Variants in CHODL observed in about 807,000 individuals in gnomAD.
The protein encoded by CHODL is transmembrane protein MT75.
In CHODL, 29 loss-of-function variants were observed where a neutral mutation model predicts 34.5. The observed-to-expected ratio is 0.84, with a 90% confidence interval of 0.63 to 1.15. The LOEUF is 1.15. Among genes scored for constraint, CHODL ranks in the 50% most tolerant of loss-of-function variants. The probability of loss-of-function intolerance (pLI) is 0.00; values close to 1 mark genes in which losing one functional copy is unlikely to be tolerated. For missense variants in CHODL, 332 were observed against 332.5 expected (o/e 1.00, Z 0.01); for synonymous variants, 125 against 116.1 (o/e 1.08, Z -0.49).
chr21:18,116,952 C>A (rs560726712), intron 2 of CHODL, among the ~76,000 whole-genome samples: 7 of 152,138 alleles, frequency 4.6e-5, no homozygotes, highest in African/African-American at 1.7e-4. Flanking sequence ...TACTCCATTG[C>A]GCCCACATTT....
At chr21:18,184,272 A>G (rs1360849923) in intron 2 of CHODL, among the ~76,000 whole-genome samples, 3 of 152,196 alleles carry the variant, frequency 2.0e-5, no homozygotes, top group Non-Finnish European at 4.4e-5. Context: ...TTTCTTTTAT[A>G]TAAATACATA....
At chr21:18,129,163 G>C (rs1413162184) in intron 2 of CHODL, among the ~76,000 whole-genome samples, 2 of 151,542 alleles carry the variant, frequency 1.3e-5, no homozygotes, top group Non-Finnish European at 2.9e-5. Flanking sequence ...AATGATGATG[G>C]GTTATTTTAA....
chr21:18,163,580 C>G (rs2073121327), intron 2 of CHODL, among the ~76,000 whole-genome samples: 1 of 152,070 alleles, frequency 6.6e-6, no homozygotes, highest in African/African-American at 2.4e-5. Flanking sequence ...GGGTTATTAT[C>G]TTTTTAAATT....
intron 2 of CHODL, among the ~76,000 whole-genome samples, chr21:18,037,021 T>C (rs1328605218): frequency 1.3e-5 from 2 of 151,990 alleles, no homozygotes; most frequent in African/African-American, 2.4e-5. Context: ...AGAAGGTTAG[T>C]ATGCCCAATA....
chr21:18,123,367 A>G (rs2065504066), intron 2 of CHODL, among the ~76,000 whole-genome samples: 1 of 152,242 alleles, frequency 6.6e-6, no homozygotes, highest in South Asian at 2.1e-4. Flanking sequence ...TAAGGAGACT[A>G]GGTGCAATTT....
chr21:18,090,812 T>C (rs1438854790), intron 2 of CHODL, among the ~76,000 whole-genome samples: 1 of 150,732 alleles, frequency 6.6e-6, no homozygotes, highest in East Asian at 2.0e-4. Flanking sequence ...GAAGCCTACA[T>C]TGTATGTCTC....
intron 2 of CHODL, among the ~76,000 whole-genome samples, chr21:18,160,770 T>C (rs1297450832): frequency 6.6e-6 from 1 of 152,200 alleles, no homozygotes; most frequent in Admixed American, 6.5e-5. Context: ...TCTTTCCTAT[T>C]GTGGATAGTG....
rs374335632 is a variant in CHODL, at chr21:18,178,827, T to C, written c.-44-77682T>C. Among the ~76,000 whole-genome samples, 15 of 152,274 alleles carry C rather than the reference T, an allele frequency of 9.9e-5. No individual in the cohort carries two copies. The South Asian group carries it at 2.9e-3, about 29-fold the overall frequency. On this transcript the variant is annotated intron_variant, in intron 2 of 6. Coordinates refer to the CHODL transcript ENST00000400127. The stretch of plus-strand genomic sequence containing the variant: ...CTGTGCAGTTCAAATCTGTGTTGTT[T>C]AAGCATCAACCATAGAGTTTAGTCA...
In CHODL at chr21:18,038,419, A is replaced by AT. The variant is rs141799749; in HGVS notation, c.-45+10454dup. ...TTATGAAAGACATTGATTATGAATG[A>AT]TTTTTTACACAATTTGACACGAATT... On this transcript the variant is annotated intron_variant, in intron 2 of 6. Coordinates refer to the CHODL transcript ENST00000400127. Among the ~76,000 whole-genome samples the AT allele has an allele frequency of 8.5e-3, 1,288 of 151,808 alleles. 14 individuals carry two copies. The highest frequency in any genetic ancestry group is 0.029 in the African/African-American group (1,208 of 41,506).
At chr21:18,147,399 T>C (rs2146620927) in intron 2 of CHODL, among the ~76,000 whole-genome samples, 1 of 152,346 alleles carries the variant, frequency 6.6e-6, no homozygotes, top group Admixed American at 6.5e-5. Flanking sequence ...GGTTCTTCCC[T>C]ATTCTAGTTG....
At chr21:17,962,657 C>A (rs2063540029) in intron 1 of CHODL, among the ~76,000 whole-genome samples, 1 of 152,104 alleles carries the variant, frequency 6.6e-6, no homozygotes, top group Non-Finnish European at 1.5e-5. Flanking sequence ...GGGAAGCCAG[C>A]TAGCTGATAA....
At chr21:17,952,194 C>CAAAAAAAAAAA (rs58511535) in intron 1 of CHODL, among the ~76,000 whole-genome samples, 1 of 80,366 alleles carries the variant, frequency 1.2e-5, no homozygotes, top group Non-Finnish European at 2.3e-5. Context: ...TACTATGTCT[C>CAAAAAAAAAAA]AAAAAAAAAA....
chr21:18,121,867 T>G (rs1382598121), intron 2 of CHODL, among the ~76,000 whole-genome samples: 1 of 152,198 alleles, frequency 6.6e-6, no homozygotes, highest in Non-Finnish European at 1.5e-5. Context: ...AATCTCATAG[T>G]GCTGGTCACT....
chr21:18,136,105 C>CAAAAAAAAAAAAAAAAAA (rs67552520), intron 2 of CHODL, among the ~76,000 whole-genome samples: 35 of 89,376 alleles, frequency 3.9e-4, no homozygotes, highest in East Asian at 5.8e-4. Flanking sequence ...GATTATGTCT[C>CAAAAAAAAAAAAAAAAAA]AAAAAAAAAA....
chr21:18,095,973 C>T (rs190714644), intron 2 of CHODL, among the ~76,000 whole-genome samples: 107 of 152,216 alleles, frequency 7.0e-4, no homozygotes, highest in Non-Finnish European at 1.2e-3. Flanking sequence ...ATAAATGTTT[C>T]GGGAAGTCAG....
At chr21:18,172,829 A>G (rs141546611) in intron 2 of CHODL, among the ~76,000 whole-genome samples, 4 of 152,302 alleles carry the variant, frequency 2.6e-5, no homozygotes, top group African/African-American at 9.6e-5. Context: ...CAGAAATGTG[A>G]GTACTGCTCA....
At chr21:18,249,020 A>G (rs1386005703) in intron 1 of CHODL, among the ~76,000 whole-genome samples, 1 of 121,288 alleles carries the variant, frequency 8.2e-6, no homozygotes, top group Non-Finnish European at 1.6e-5. Context: ...TATATATTAT[A>G]CATAATATTA....
chr21:17,921,969 G>T (rs1435489330), intron 1 of CHODL, among the ~76,000 whole-genome samples: 1 of 147,662 alleles, frequency 6.8e-6, no homozygotes, highest in Non-Finnish European at 1.5e-5. Flanking sequence ...TTGACAGATT[G>T]TCCAGATTTA....
chr21:18,086,125 CTT>C (rs148376601), intron 2 of CHODL, among the ~76,000 whole-genome samples: 1,024 of 75,498 alleles, frequency 0.014, 8 homozygotes, highest in African/African-American at 0.048. Context: ...ATTTCTTCTT[CTT>C]GCTCTGGTCT....
Sources: allele counts gnomAD v4.1 joint callset (sites outside exome capture counted in the v4.1 genomes callset), GRCh38; gene constraint gnomAD v4.1.1; transcripts MANE v1.5; gene names NCBI Gene and HGNC (gene_info 2026-07-23, HGNC 2026-07-21).